Variants in PGM2L1 observed in about 807,000 individuals in gnomAD.
The protein encoded by PGM2L1 is phosphoglucomutase 2 like 1, also known as glucose 1,6-bisphosphate synthase.
In PGM2L1, 35 loss-of-function variants were observed where a neutral mutation model predicts 73.4. That is an observed-to-expected ratio of 0.48 (90% CI 0.36 to 0.63). The LOEUF (loss-of-function observed/expected upper bound fraction) is 0.63. PGM2L1 is among the 30% of genes least tolerant of loss of function. The pLI, the probability that PGM2L1 is intolerant of heterozygous loss-of-function variation, is 0.00. For synonymous variants in PGM2L1, 225 were observed against 253.8 expected (o/e 0.89, Z 1.08); for missense variants, 570 against 742.0 (o/e 0.77, Z 2.69).
At chr11:74,354,781 G>A (rs1862417051) in intron 5 of PGM2L1, 1 of 985,722 alleles carries the variant, frequency 1.0e-6, no homozygotes, top group Non-Finnish European at 1.6e-6. Context: ...TAGCATTAAA[G>A]AAGACCCTGA....
chr11:74,396,684 A>G lies in PGM2L1; in HGVS notation c.111+1367T>C, dbSNP rs940502986. ...CCGCCTCGGCCTCCCAAAGTGCTGG[A>G]ATTACAGGCCTGAGCCACGGCGCCC... is the stretch of plus-strand genomic sequence containing the variant. On this transcript the variant is annotated intron_variant, in intron 1 of 13. Transcript: ENST00000298198. 2.2e-4 allele frequency among the ~76,000 whole-genome samples: 34 copies of G among 152,226 alleles called. 1 individual carries two copies. The highest frequency in any genetic ancestry group is 7.7e-4 in the African/African-American group (32 of 41,544).
chr11:74,356,932 C>CT (rs1862467025), intron 5 of PGM2L1, among the ~76,000 whole-genome samples: 1 of 152,046 alleles, frequency 6.6e-6, no homozygotes, highest in African/African-American at 2.4e-5. Context: ...CTCCCAGGTT[C>CT]AAGCGATTCT....
chr11:74,396,120 G>A (rs1005166551), intron 1 of PGM2L1, among the ~76,000 whole-genome samples: 3 of 151,738 alleles, frequency 2.0e-5, no homozygotes, highest in South Asian at 2.1e-4. Context: ...TTAGCCGGGC[G>A]TGGTGGCATG....
At chr11:74,378,073 G>A (rs958605574) in intron 1 of PGM2L1, among the ~76,000 whole-genome samples, 6 of 152,090 alleles carry the variant, frequency 3.9e-5, no homozygotes, top group East Asian at 1.9e-4. Flanking sequence ...AGGTCGAGGC[G>A]GGCGGATCAC....
At position 74,371,645 on chromosome 11, in the gene PGM2L1, C is replaced by CA. The variant is rs544066576; in HGVS notation, c.386+65dup. ...CTGTTTCAGAAATCCTACTACTAGA[C>CA]AAAAAAATGTTTTAAATATGTTTTA... On this transcript the variant is annotated intron_variant, in intron 3 of 13. Coordinates refer to ENST00000298198, the MANE Select transcript of PGM2L1 (RefSeq NM_173582.6). 584 of 1,402,728 alleles carry CA rather than the reference C, an allele frequency of 4.2e-4. 4 individuals carry two copies. In the African/African-American group the frequency reaches 7.5e-3, roughly 18 times the overall value. 86.9% of individuals were successfully genotyped at this position (1,402,728 alleles called of 1,614,324 possible).
At chr11:74,377,137 T>TA (rs1565443874) in intron 1 of PGM2L1, among the ~76,000 whole-genome samples, 5 of 143,334 alleles carry the variant, frequency 3.5e-5, no homozygotes, top group African/African-American at 1.3e-4. Context: ...TATTATTATT[T>TA]CTTTTTTTTT....
At chr11:74,378,833 C>G (rs1862895905) in intron 1 of PGM2L1, among the ~76,000 whole-genome samples, 1 of 152,148 alleles carries the variant, frequency 6.6e-6, no homozygotes, top group African/African-American at 2.4e-5. Context: ...GAAGGTTACA[C>G]ACCAGACCAA....
At chr11:74,381,919 AT>A (rs1350242426) in intron 1 of PGM2L1, among the ~76,000 whole-genome samples, 1 of 151,830 alleles carries the variant, frequency 6.6e-6, no homozygotes, top group Non-Finnish European at 1.5e-5. Flanking sequence ...ACCCCCACCA[AT>A]GGTAACCTAG....
intron 1 of PGM2L1, 152 bp downstream of exon 1, chr11:74,397,899 C>T: frequency 7.6e-7 from 1 of 1,319,708 alleles, no homozygotes; most frequent in South Asian, 2.0e-5. Flanking sequence ...AGCAACCCCA[C>T]GCATAGGTGG....
In PGM2L1 at chr11:74,334,276, A is replaced by C. The variant is rs1032708450; in HGVS notation, c.*2376T>G. On this transcript the variant is annotated 3_prime_UTR_variant, in exon 14 of 14. Coordinates refer to ENST00000298198, the MANE Select transcript of PGM2L1 (RefSeq NM_173582.6). ...GTAACTATGAATGAGCCGTTGATTCATTTTAGCTTCATTTTTGTTTATCAG... is the reference window on the plus strand; with the variant it reads ...GTAACTATGAATGAGCCGTTGATTCCTTTTAGCTTCATTTTTGTTTATCAG... 8 of 152,212 alleles carry C rather than the reference A, an allele frequency of 5.3e-5. No individual in the cohort carries two copies. Among genetic ancestry groups the C allele is most frequent in the African/African-American group, 1.9e-4 (8 of 41,444 alleles). The allele number at this position is 152,212 out of a possible 1,614,324, so 9.4% of individuals were successfully genotyped here.
rs376344729 is a variant in PGM2L1, at chr11:74,371,824, C to G, written c.280-7G>C. The G allele has an allele frequency of 5.7e-6, 9 of 1,583,400 alleles. No individual in the cohort carries two copies. The highest frequency in any genetic ancestry group is 2.2e-5 in the East Asian group (1 of 44,680). On this transcript the variant is annotated splice_region_variant and splice_polypyrimidine_tract_variant and intron_variant, in intron 2 of 13. Transcript: ENST00000298198. ...CAAGGTATTTGTACATCCCCTGAAG[C>G]AAATAAACACAAAAGATTAGTTCTA... is the stretch of plus-strand genomic sequence containing the variant.
At chr11:74,380,626 T>C (rs1253079483) in intron 1 of PGM2L1, among the ~76,000 whole-genome samples, 2 of 152,108 alleles carry the variant, frequency 1.3e-5, no homozygotes, top group Non-Finnish European at 2.9e-5. Flanking sequence ...CAAATTAGTG[T>C]GAAAAATTTA....
chr11:74,376,855 C>CAA (rs1197378668), intron 1 of PGM2L1, among the ~76,000 whole-genome samples: 1 of 151,690 alleles, frequency 6.6e-6, no homozygotes, highest in Non-Finnish European at 1.5e-5. Flanking sequence ...ATTTGTATGG[C>CAA]AAAAAAAGCT....
At chr11:74,356,613 C>T (rs528839689) in intron 5 of PGM2L1, among the ~76,000 whole-genome samples, 2 of 151,980 alleles carry the variant, frequency 1.3e-5, no homozygotes, top group Non-Finnish European at 2.9e-5. Flanking sequence ...GGGAAAAATA[C>T]CATAATATCA....
At chr11:74,379,002 TA>T (rs1301751058) in intron 1 of PGM2L1, among the ~76,000 whole-genome samples, 3 of 152,092 alleles carry the variant, frequency 2.0e-5, no homozygotes, top group African/African-American at 7.2e-5. Context: ...TAAAAGAGTG[TA>T]AAAAAAGTAA....
At chr11:74,351,352 G>A in intron 6 of PGM2L1, 31 bp downstream of exon 6, 3 of 1,550,078 alleles carry the variant, frequency 1.9e-6, no homozygotes, top group Non-Finnish European at 1.8e-6. Context: ...TTATTCTGAA[G>A]TAGTATTATC....
In PGM2L1 at chr11:74,342,989, C is replaced by A; in HGVS notation, c.1338G>T (p.Leu446Phe). 1 of 1,605,828 alleles carries A rather than the reference C, an allele frequency of 6.2e-7. No homozygotes were observed. Among genetic ancestry groups the A allele is most frequent in the Non-Finnish European group, 8.5e-7 (1 of 1,177,582 alleles). ...SIGFLCGTSVLDKDGVSAAVV... is the reference protein window; with the variant it reads ...SIGFLCGTSVFDKDGVSAAVV... ...CAGCTGCACTCACCCCATCTTTATC[C>A]AAAACTGAAGTTCCACAGAGAAAAC... The change falls in exon 11 of 14, where the codon TTG (leucine) becomes TTT (phenylalanine). Residue 446 changes from leucine to phenylalanine, a missense_variant. Leu to Phe is a conservative substitution (Grantham distance 22). Transcript: ENST00000298198.
chr11:74,370,224 G>A (rs761100154), intron 4 of PGM2L1, among the ~76,000 whole-genome samples: 1 of 151,938 alleles, frequency 6.6e-6, no homozygotes, highest in Non-Finnish European at 1.5e-5. Context: ...AATGTTAAAG[G>A]TCATGGAACA....
At chr11:74,380,980 T>G (rs1215775447) in intron 1 of PGM2L1, among the ~76,000 whole-genome samples, 1 of 152,202 alleles carries the variant, frequency 6.6e-6, no homozygotes, top group Non-Finnish European at 1.5e-5. Context: ...ATTGCTTAGC[T>G]AGATCATCCT....
Sources: gnomAD v4.1 joint callset for allele counts (sites outside exome capture counted in the v4.1 genomes callset) on GRCh38, gnomAD v4.1.1 for gene constraint, MANE v1.5 for transcripts, NCBI Gene and HGNC (gene_info 2026-07-23, HGNC 2026-07-21) for gene names.